GRIK1: variants seen among roughly 807,000 people sequenced by gnomAD.
The protein encoded by GRIK1 is glutamate receptor ionotropic, kainate 1.
A neutral mutation model predicts 105.7 loss-of-function variants in GRIK1; 69 were observed. That is an observed-to-expected ratio of 0.65 (90% confidence interval 0.54 to 0.80). The LOEUF is 0.80. Ranked by LOEUF, GRIK1 falls within the 30% of genes least tolerant of loss-of-function variation. The pLI is 0.00. For missense variants in GRIK1, 1,109 were observed against 1,167.3 expected, an observed-to-expected ratio of 0.95 and a Z score of 0.73; for synonymous variants, 438 against 431.3, an observed-to-expected ratio of 1.02 and a Z score of -0.19.
At chr21:29,934,927 G>A (rs765284300) in intron 1 of GRIK1, among the ~76,000 whole-genome samples, 9 of 152,222 alleles carry the variant, frequency 5.9e-5, no homozygotes, top group Non-Finnish European at 1.3e-4. Flanking sequence ...ATATTAGTCA[G>A]GCACTCCCTT....
In GRIK1 at chr21:29,643,011, G is replaced by A. The variant is rs780274298; in HGVS notation, c.955-42C>T. On this transcript the variant is annotated intron_variant, in intron 6 of 17. Transcript: ENST00000327783. ...ACACCGCATCTTAAATTCCACTTTTGCTTACCTTCCTTTACTTGCATAATC... is the reference window on the plus strand; with the variant it reads ...ACACCGCATCTTAAATTCCACTTTTACTTACCTTCCTTTACTTGCATAATC... The A allele has an allele frequency of 4.4e-6, 7 of 1,593,464 alleles. No homozygotes were observed. The Admixed American group carries it at 1.2e-4, about 27-fold the overall frequency.
intron 6 of GRIK1, among the ~76,000 whole-genome samples, chr21:29,644,466 C>T (rs12627201): frequency 0.19 from 29,360 of 152,066 alleles, 3,053 homozygotes; most frequent in Non-Finnish European, 0.23. Flanking sequence ...TTTGTGAGAA[C>T]TGTAGAATTG....
At position 29,766,063 on chromosome 21, in the gene GRIK1, T is replaced by G. The variant is rs148824553; in HGVS notation, c.119-72000A>C. Among the ~76,000 whole-genome samples, 3 of 152,096 alleles carry G rather than the reference T, an allele frequency of 2.0e-5. No homozygotes were observed. The East Asian group carries it at 5.8e-4, about 29-fold the overall frequency. ...AGACGGTTTTACCGTGTTGGCCAGGTTGGTCTCGATCTCCTGACTTCGTGA... is the reference window on the plus strand; with the variant it reads ...AGACGGTTTTACCGTGTTGGCCAGGGTGGTCTCGATCTCCTGACTTCGTGA... On this transcript the variant is annotated intron_variant, in intron 1 of 17. Transcript: ENST00000327783.
chr21:29,733,519 A>C (rs1480961671), intron 1 of GRIK1, among the ~76,000 whole-genome samples: 1 of 151,916 alleles, frequency 6.6e-6, no homozygotes, highest in Non-Finnish European at 1.5e-5. Context: ...TTTTCAAAAA[A>C]ATTGTTGTAA....
At chr21:29,596,674 T>G in intron 8 of GRIK1, 104 bp from the exon 9 acceptor site, 1 of 821,728 alleles carries the variant, frequency 1.2e-6, no homozygotes, top group South Asian at 1.3e-5. Flanking sequence ...GTGTTACAGT[T>G]CCCACCCATT....
chr21:29,929,075 T>C (rs1464237917), intron 1 of GRIK1, among the ~76,000 whole-genome samples: 1 of 152,148 alleles, frequency 6.6e-6, no homozygotes, highest in Admixed American at 6.5e-5. Flanking sequence ...AGCATATCAG[T>C]TCATCCCAAT....
At chr21:29,895,919 C>T (rs1352781216) in intron 1 of GRIK1, among the ~76,000 whole-genome samples, 2 of 152,178 alleles carry the variant, frequency 1.3e-5, no homozygotes, top group African/African-American at 2.4e-5. Context: ...CAGTGTAGCA[C>T]TTTCATCTCC....
At chr21:29,566,857 G>A (rs994585050) in intron 14 of GRIK1, among the ~76,000 whole-genome samples, 3 of 151,880 alleles carry the variant, frequency 2.0e-5, no homozygotes, top group African/African-American at 7.3e-5. Context: ...CTGGTTCCAG[G>A]GTCTGTGTTC....
At chr21:29,543,600 A>T (rs1448653957) in intron 16 of GRIK1, among the ~76,000 whole-genome samples, 1 of 152,136 alleles carries the variant, frequency 6.6e-6, no homozygotes, top group Non-Finnish European at 1.5e-5. Flanking sequence ...CATCCTTGGA[A>T]TTTAAAAAAA....
chr21:29,731,827 G>A (rs1431882805), intron 1 of GRIK1, among the ~76,000 whole-genome samples: 1 of 152,062 alleles, frequency 6.6e-6, no homozygotes, highest in Non-Finnish European at 1.5e-5. Flanking sequence ...TTTCTTTGGG[G>A]CATTGTCCCA....
chr21:29,867,815 A>T (rs1453303428), intron 1 of GRIK1, among the ~76,000 whole-genome samples: 2 of 144,356 alleles, frequency 1.4e-5, no homozygotes, highest in Non-Finnish European at 3.0e-5. Flanking sequence ...AAAGAAAGAA[A>T]GAATGAAAGA....
chr21:29,684,800 A>G (rs940445858), intron 3 of GRIK1, among the ~76,000 whole-genome samples: 1 of 152,184 alleles, frequency 6.6e-6, no homozygotes, highest in African/African-American at 2.4e-5. Flanking sequence ...GTGAGCCACC[A>G]CACCCGGCTG....
intron 1 of GRIK1, among the ~76,000 whole-genome samples, chr21:29,715,690 G>A (rs2064161386): frequency 6.7e-6 from 1 of 148,394 alleles, no homozygotes; most frequent in African/African-American, 2.5e-5. Flanking sequence ...CATCTAGAAT[G>A]TCGTATTCTA....
intron 9 of GRIK1, 147 bp downstream of exon 9, chr21:29,596,379 A>T (rs757629306): frequency 2.6e-6 from 2 of 762,996 alleles, no homozygotes; most frequent in East Asian, 4.9e-5. Flanking sequence ...AACATATTCA[A>T]TCACTCCTCT....
chr21:29,610,116 A>T (rs1316351148), intron 7 of GRIK1, among the ~76,000 whole-genome samples: 1 of 152,186 alleles, frequency 6.6e-6, no homozygotes, highest in Admixed American at 6.6e-5. Context: ...AAAGGAAGAC[A>T]ATTTTCTAGT....
rs2066843326 is a variant in GRIK1 at position 29,805,647 on chromosome 21, CTTAT to C, written c.119-111588_119-111585del. Reference sequence around the variant, plus strand: ...AAGCAATCACCAACACACATATTTGCTTATTGTGTGTTGGTTAGTGTATATAGGA... The same window carrying C: ...AAGCAATCACCAACACACATATTTGCTGTGTGTTGGTTAGTGTATATAGGA... On this transcript the variant is annotated intron_variant, in intron 1 of 17. Coordinates refer to ENST00000327783, the MANE Select transcript of GRIK1 (RefSeq NM_001330994.2). Among the ~76,000 whole-genome samples the C allele has an allele frequency of 2.6e-5, 4 of 152,180 alleles. No individual in the cohort carries two copies. In the South Asian group the frequency reaches 8.3e-4, roughly 32 times the overall value.
At chr21:29,871,154 C>T (rs2068995076) in intron 1 of GRIK1, among the ~76,000 whole-genome samples, 2 of 152,192 alleles carry the variant, frequency 1.3e-5, no homozygotes, top group South Asian at 2.1e-4. Flanking sequence ...CATTCTTTCT[C>T]TTCTGTAACT....
chr21:29,712,188 G>A (rs1005521105), intron 1 of GRIK1, among the ~76,000 whole-genome samples: 41 of 147,260 alleles, frequency 2.8e-4, no homozygotes, highest in African/African-American at 9.7e-4. Context: ...TTTCTTAATG[G>A]CATTTTCCAT....
intron 13 of GRIK1, among the ~76,000 whole-genome samples, chr21:29,578,366 T>C (rs936755400): frequency 2.6e-5 from 4 of 152,192 alleles, no homozygotes; most frequent in Non-Finnish European, 5.9e-5. Flanking sequence ...TCGTTAATAA[T>C]GGCTTAAGAT....
Sources: gnomAD v4.1 joint callset for allele counts (sites outside exome capture counted in the v4.1 genomes callset) on GRCh38, gnomAD v4.1.1 for gene constraint, MANE v1.5 for transcripts, NCBI Gene and HGNC (gene_info 2026-07-23, HGNC 2026-07-21) for gene names.